PRKG1: variants seen among roughly 807,000 people sequenced by gnomAD.
The protein encoded by PRKG1 is protein kinase cGMP-dependent 1.
Under a neutral mutation model 88.1 loss-of-function variants are expected in PRKG1, and 35 were observed. The ratio of observed to expected loss-of-function variants is 0.40; its 90% CI spans 0.30 to 0.53. The LOEUF (loss-of-function observed/expected upper bound fraction) is 0.53, where lower values mean the gene tolerates loss of function less well. Ranked by LOEUF, PRKG1 falls within the 20% of genes least tolerant of loss-of-function variation. The pLI is 0.59. For missense variants in PRKG1, 540 were observed against 839.8 expected (o/e 0.64, Z 4.41); for synonymous variants, 303 against 292.5 (o/e 1.04, Z -0.37).
intron 1 of PRKG1, among the ~76,000 whole-genome samples, chr10:51,058,426 G>A (rs1248975573): frequency 6.6e-6 from 1 of 151,996 alleles, no homozygotes; most frequent in Non-Finnish European, 1.5e-5. Context: ...TGAGCAAAAG[G>A]TATAGAGATT....
At chr10:51,089,022 T>C (rs1159833161) in intron 1 of PRKG1, among the ~76,000 whole-genome samples, 1 of 152,164 alleles carries the variant, frequency 6.6e-6, no homozygotes, top group East Asian at 1.9e-4. Context: ...ATAATCCCTA[T>C]CACTCCATAC....
intron 2 of PRKG1, among the ~76,000 whole-genome samples, chr10:51,183,678 G>C (rs1904684): frequency 0.053 from 8,083 of 152,010 alleles, 403 homozygotes; most frequent in African/African-American, 0.13. Context: ...CATTTCCATT[G>C]CATTTTTTTT....
chr10:51,209,369 A>G (rs1838152889), intron 2 of PRKG1, among the ~76,000 whole-genome samples: 1 of 152,208 alleles, frequency 6.6e-6, no homozygotes, highest in Admixed American at 6.5e-5. Context: ...GCTTGAATCC[A>G]GTGAACAGAT....
intron 2 of PRKG1, among the ~76,000 whole-genome samples, chr10:51,463,363 G>A (rs1386156622): frequency 1.3e-5 from 2 of 152,062 alleles, no homozygotes; most frequent in East Asian, 3.9e-4. Context: ...TGTATATTCA[G>A]CCTACCTGCA....
intron 1 of PRKG1, among the ~76,000 whole-genome samples, chr10:51,021,121 G>C (rs6479862): frequency 0.9 from 136,637 of 152,208 alleles, 61,511 homozygotes; most frequent in African/African-American, 0.97. Context: ...AGAGTTTAAT[G>C]TGTTGAATCG....
At chr10:52,092,545 C>G (rs562361772) in intron 7 of PRKG1, among the ~76,000 whole-genome samples, 3 of 152,230 alleles carry the variant, frequency 2.0e-5, no homozygotes, top group African/African-American at 4.8e-5. Flanking sequence ...AACCTTACCC[C>G]CTTCAGCATA....
chr10:51,712,158 A>C (rs1402467792), intron 3 of PRKG1, among the ~76,000 whole-genome samples: 2 of 152,240 alleles, frequency 1.3e-5, no homozygotes, highest in East Asian at 3.8e-4. Context: ...AAAGGAGGAC[A>C]AAAGTTTGTG....
chr10:51,878,741 T>C (rs1055717678), intron 4 of PRKG1, among the ~76,000 whole-genome samples: 3 of 152,222 alleles, frequency 2.0e-5, no homozygotes, highest in Non-Finnish European at 4.4e-5. Context: ...TTTTCCTTTC[T>C]TCCCATACTG....
intron 3 of PRKG1, among the ~76,000 whole-genome samples, chr10:51,559,548 T>G (rs1829237236): frequency 6.6e-6 from 1 of 152,114 alleles, no homozygotes; most frequent in African/African-American, 2.4e-5. Flanking sequence ...TTTTTCATAG[T>G]TAGCTCATAT....
chr10:52,203,035 G>T (rs1839718728), intron 9 of PRKG1, among the ~76,000 whole-genome samples: 1 of 151,804 alleles, frequency 6.6e-6, no homozygotes, highest in African/African-American at 2.4e-5. Context: ...TCTGATTTTG[G>T]TTATTCCTTG....
chr10:51,888,188 G>A (rs1217460062), intron 4 of PRKG1, among the ~76,000 whole-genome samples: 3 of 152,140 alleles, frequency 2.0e-5, no homozygotes, highest in South Asian at 2.1e-4. Context: ...TGCATTTTTT[G>A]TGCATCGATT....
intron 1 of PRKG1, among the ~76,000 whole-genome samples, chr10:51,082,100 A>G (rs1844126663): frequency 1.3e-5 from 2 of 152,172 alleles, no homozygotes; most frequent in African/African-American, 4.8e-5. Context: ...CCTATGAGGA[A>G]GATTCTGGAT....
At chr10:51,683,318 T>TCAAAACAAAACAAAA (rs201618594) in intron 3 of PRKG1, among the ~76,000 whole-genome samples, 31 of 150,934 alleles carry the variant, frequency 2.1e-4, no homozygotes, top group Admixed American at 1.7e-3. Context: ...AGGCTCTGTC[T>TCAAAACAAAACAAAA]CAAAACAAAA....
intron 3 of PRKG1, among the ~76,000 whole-genome samples, chr10:51,546,325 G>A (rs559512604): frequency 6.6e-6 from 1 of 152,078 alleles, no homozygotes; most frequent in East Asian, 1.9e-4. Flanking sequence ...TAGAGGTTTA[G>A]TCTGAAAATG....
chr10:51,566,293 C>T (rs2132158620), intron 3 of PRKG1, among the ~76,000 whole-genome samples: 1 of 152,124 alleles, frequency 6.6e-6, no homozygotes, highest in African/African-American at 2.4e-5. Flanking sequence ...ATTAAGAATT[C>T]CACAGTCCCA....
rs376101541 is a variant in PRKG1, at chr10:51,729,012, A to G, written c.593-75573A>G. ...CATCTACTATTTAGCACAGAAATAAAAGGGAGGGATAAAATCTACCAACCC... is the reference window on the plus strand; with the variant it reads ...CATCTACTATTTAGCACAGAAATAAGAGGGAGGGATAAAATCTACCAACCC... On this transcript the variant is annotated intron_variant, in intron 3 of 17. Transcript: ENST00000373980. 6.0e-4 allele frequency among the ~76,000 whole-genome samples: 92 copies of G among 152,344 alleles called. 1 individual carries two copies. The South Asian group carries it at 0.018, about 31-fold the overall frequency.
At chr10:51,091,658 A>G (rs1361043005) in intron 1 of PRKG1, among the ~76,000 whole-genome samples, 2 of 152,148 alleles carry the variant, frequency 1.3e-5, no homozygotes, top group African/African-American at 2.4e-5. Context: ...GAATTGAAGC[A>G]TTTAGTTTTG....
intron 3 of PRKG1, among the ~76,000 whole-genome samples, chr10:51,706,605 A>C (rs1841610294): frequency 6.6e-6 from 1 of 152,212 alleles, no homozygotes; most frequent in Non-Finnish European, 1.5e-5. Flanking sequence ...TTACTGATCT[A>C]GCTTGTAAAA....
intron 9 of PRKG1, among the ~76,000 whole-genome samples, chr10:52,216,363 G>T (rs1429628704): frequency 6.6e-6 from 1 of 152,186 alleles, no homozygotes; most frequent in Non-Finnish European, 1.5e-5. Flanking sequence ...TGGGAAACCA[G>T]CAGATAGCTA....
Sources: gnomAD v4.1 joint callset for allele counts (sites outside exome capture counted in the v4.1 genomes callset) on GRCh38, gnomAD v4.1.1 for gene constraint, MANE v1.5 for transcripts, NCBI Gene and HGNC (gene_info 2026-07-23, HGNC 2026-07-21) for gene names.